Variants in SEPTIN7 observed in about 807,000 individuals in gnomAD.
SEPTIN7 encodes septin-7.
In SEPTIN7, 10 loss-of-function variants were observed where a neutral mutation model predicts 63.3. The observed-to-expected ratio is 0.16, with a 90% CI of 0.10 to 0.27. The LOEUF is 0.27. SEPTIN7 is among the 10% of genes least tolerant of loss of function. SEPTIN7 has a pLI of 1.00. For synonymous variants in SEPTIN7, 131 were observed against 165.3 expected, an observed-to-expected ratio of 0.79 and a Z score of 1.59; for missense variants, 310 against 521.0, an observed-to-expected ratio of 0.59 and a Z score of 3.94.
rs75515928 is a variant in SEPTIN7 at position 35,868,253 on chromosome 7, A to G, written c.277-4413A>G. Among the ~76,000 whole-genome samples the G allele has an allele frequency of 2.6e-3, 392 of 152,240 alleles. 2 individuals carry two copies. Among genetic ancestry groups the G allele is most frequent in the African/African-American group, 9.0e-3 (375 of 41,544 alleles). On this transcript the variant is annotated intron_variant, in intron 4 of 13. Coordinates refer to ENST00000350320, the MANE Select transcript of SEPTIN7 (RefSeq NM_001788.6). Reference sequence around the variant, plus strand: ...GTGAGAAAAGGTGAAAGCAGTATGTACTTCTCTGGGGTAACATACTTGATA... The same window carrying G: ...GTGAGAAAAGGTGAAAGCAGTATGTGCTTCTCTGGGGTAACATACTTGATA...
At position 35,904,404 on chromosome 7, in the gene SEPTIN7, ATT is replaced by A; in HGVS notation, c.*113_*114del. 2.7e-6 allele frequency: 2 copies of A among 747,372 alleles called. No individual in the cohort carries two copies. Among genetic ancestry groups the A allele is most frequent in the Non-Finnish European group, 4.1e-6 (2 of 493,650 alleles). The allele number at this position is 747,372 out of a possible 1,614,324, so 46.3% of individuals were successfully genotyped here. A position where few individuals can be genotyped will look rare whatever the true frequency, so the allele number is the denominator to read the frequency against. On this transcript the variant is annotated 3_prime_UTR_variant, in exon 14 of 14. Coordinates refer to ENST00000350320, the MANE Select transcript of SEPTIN7 (RefSeq NM_001788.6). ...GCACCAGTTTTATCCATAATGATGG[ATT>A]TAACAGCATGACAAAAATTATTTTT...
Position 35,872,804 on chromosome 7 carries a change from TG to T in SEPTIN7, c.377+42del, listed in dbSNP as rs774587741. On this transcript the variant is annotated intron_variant, in intron 5 of 13. Coordinates refer to ENST00000350320, the MANE Select transcript of SEPTIN7 (RefSeq NM_001788.6). Reference sequence around the variant, plus strand: ...TGTCCTCACAACTTTGCAGTGCATTTGGGGTACTGGGGTGGTTAAACTTTTT... The same window carrying T: ...TGTCCTCACAACTTTGCAGTGCATTTGGGTACTGGGGTGGTTAAACTTTTT... The T allele has an allele frequency of 3.8e-6, 5 of 1,322,012 alleles. No homozygotes were observed. The African/African-American group carries it at 7.3e-5, about 19-fold the overall frequency. 81.9% of individuals were successfully genotyped at this position (1,322,012 alleles called of 1,614,324 possible). A position where few individuals can be genotyped will look rare whatever the true frequency, so the allele number is the denominator to read the frequency against.
chr7:35,836,845 G>A (rs1784107690), intron 3 of SEPTIN7, among the ~76,000 whole-genome samples: 1 of 152,114 alleles, frequency 6.6e-6, no homozygotes, highest in Non-Finnish European at 1.5e-5. Context: ...GTATTTTTAA[G>A]ATATGTTAAT....
At chr7:35,837,560 A>G (rs1468312945) in intron 3 of SEPTIN7, among the ~76,000 whole-genome samples, 1 of 152,128 alleles carries the variant, frequency 6.6e-6, no homozygotes, top group Non-Finnish European at 1.5e-5. Flanking sequence ...GCATTGATTT[A>G]AGGGTTTTGA....
intron 12 of SEPTIN7, chr7:35,900,059 C>A (rs569213706): frequency 6.6e-6 from 1 of 152,082 alleles, no homozygotes; most frequent in Non-Finnish European, 1.5e-5. Context: ...GATCTCATTG[C>A]TTTTGTAATT....
chr7:35,873,425 G>A (rs1786278617), intron 5 of SEPTIN7, among the ~76,000 whole-genome samples: 2 of 151,842 alleles, frequency 1.3e-5, no homozygotes, highest in South Asian at 4.1e-4. Flanking sequence ...GCTGTGTTTC[G>A]ACAGTAAATA....
At chr7:35,827,551 C>T (rs572642294) in intron 1 of SEPTIN7, among the ~76,000 whole-genome samples, 2 of 152,156 alleles carry the variant, frequency 1.3e-5, no homozygotes, top group South Asian at 2.1e-4. Flanking sequence ...AGTGCAGTGG[C>T]GCGATCTCCA....
Position 35,898,175 on chromosome 7 carries a change from C to T in SEPTIN7, c.999-73C>T, listed in dbSNP as rs941958031. 9.3e-5 allele frequency: 112 copies of T among 1,198,420 alleles called. No homozygotes were observed. In the Middle Eastern group the frequency reaches 2.7e-3, roughly 29 times the overall value. The allele number at this position is 1,198,420 out of a possible 1,614,324, so 74.2% of individuals were successfully genotyped here. A position where few individuals can be genotyped will look rare whatever the true frequency, so the allele number is the denominator to read the frequency against. The stretch of plus-strand genomic sequence containing the variant: ...CATATAGCATCTGATTTGTTTTCAT[C>T]AGCTGTTTCATAGTTCTGTATTATA... On this transcript the variant is annotated intron_variant, in intron 11 of 13. Coordinates refer to ENST00000350320, the MANE Select transcript of SEPTIN7 (RefSeq NM_001788.6).
chr7:35,907,696 C>T (rs2116419976), downstream of SEPTIN7, among the ~76,000 whole-genome samples: 1 of 152,272 alleles, frequency 6.6e-6, no homozygotes, highest in East Asian at 1.9e-4. Flanking sequence ...GAGTTGTTAG[C>T]ACAGAGCAGA....
intron 1 of SEPTIN7, among the ~76,000 whole-genome samples, chr7:35,818,226 G>C (rs1477942188): frequency 1.3e-5 from 2 of 151,936 alleles, no homozygotes; most frequent in Non-Finnish European, 2.9e-5. Flanking sequence ...TGTGTCTACT[G>C]AGATGATTAT....
chr7:35,904,157 C>T, intron 13 of SEPTIN7, 97 bp from the exon 14 acceptor site: 1 of 822,874 alleles, frequency 1.2e-6, no homozygotes, highest in South Asian at 3.0e-5. Context: ...TCTGAAAATC[C>T]CAACATTGTT....
chr7:35,837,977 C>T (rs1238394344), intron 3 of SEPTIN7, among the ~76,000 whole-genome samples: 1 of 152,148 alleles, frequency 6.6e-6, no homozygotes, highest in Admixed American at 6.5e-5. Context: ...GATCCACTTG[C>T]CTCGGCCTCC....
At chr7:35,898,510 C>A (rs750925694) in intron 12 of SEPTIN7, 127 bp downstream of exon 12, 6 of 573,368 alleles carry the variant, frequency 1.0e-5, no homozygotes, top group Non-Finnish European at 1.5e-5. Flanking sequence ...CCTAGTGTAA[C>A]AAAACGGATA....
At chr7:35,826,877 G>A (rs1455803915) in intron 1 of SEPTIN7, among the ~76,000 whole-genome samples, 1 of 152,090 alleles carries the variant, frequency 6.6e-6, no homozygotes, top group Admixed American at 6.6e-5. Context: ...GGTAACTTTG[G>A]AATAGGAACA....
At chr7:35,864,721 C>A (rs1401237833) in intron 4 of SEPTIN7, among the ~76,000 whole-genome samples, 1 of 152,082 alleles carries the variant, frequency 6.6e-6, no homozygotes, top group Non-Finnish European at 1.5e-5. Flanking sequence ...CAGCACTGCT[C>A]TAAACTGTTG....
At chr7:35,832,576 C>A (rs1331911635) in intron 2 of SEPTIN7, 3 of 364,904 alleles carry the variant, frequency 8.2e-6, no homozygotes, top group Non-Finnish European at 1.5e-5. Flanking sequence ...ATTTCATTCC[C>A]TTGGATTTTT....
intron 3 of SEPTIN7, among the ~76,000 whole-genome samples, chr7:35,836,952 C>T (rs145853955): frequency 6.6e-6 from 1 of 152,128 alleles, no homozygotes; most frequent in East Asian, 1.9e-4. Flanking sequence ...CTGATAATGA[C>T]TTCACAACAT....
intron 1 of SEPTIN7, among the ~76,000 whole-genome samples, chr7:35,826,190 G>A (rs1024927284): frequency 6.6e-6 from 1 of 151,834 alleles, no homozygotes; most frequent in African/African-American, 2.4e-5. Context: ...GAGATGGTAG[G>A]AATTTGACTA....
intron 12 of SEPTIN7, 92 bp from the exon 13 acceptor site, chr7:35,902,984 C>G (rs1349307817): frequency 9.8e-6 from 14 of 1,431,640 alleles, no homozygotes; most frequent in Non-Finnish European, 1.2e-5. Flanking sequence ...AAATAGTGCT[C>G]ATACTCCTTA....
Sources: allele counts gnomAD v4.1 joint callset (sites outside exome capture counted in the v4.1 genomes callset), GRCh38; gene constraint gnomAD v4.1.1; transcripts MANE v1.5; gene names NCBI Gene and HGNC (gene_info 2026-07-23, HGNC 2026-07-21).